NAALADL2: variants seen among roughly 807,000 people sequenced by gnomAD.
The protein encoded by NAALADL2 is inactive N-acetylated-alpha-linked acidic dipeptidase-like protein 2.
Under a neutral mutation model 87.2 loss-of-function variants are expected in NAALADL2, and 76 were observed. The observed-to-expected ratio is 0.87, with a 90% CI of 0.72 to 1.05. The LOEUF is 1.05. Ranked by LOEUF, NAALADL2 falls within the 50% of genes least tolerant of loss-of-function variation. The pLI is 0.00. For synonymous variants in NAALADL2, 354 were observed against 331.0 expected (o/e 1.07, Z -0.75); for missense variants, 1,089 against 945.8 (o/e 1.15, Z -1.99).
chr3:175,758,834 T>G (rs1368520362), intron 13 of NAALADL2, among the ~76,000 whole-genome samples: 1 of 152,082 alleles, frequency 6.6e-6, no homozygotes, highest in Non-Finnish European at 1.5e-5. Flanking sequence ...GTTATTCACA[T>G]AAGAATCTCA....
chr3:175,378,792 T>TC (rs1767453939), intron 5 of NAALADL2, among the ~76,000 whole-genome samples: 1 of 152,194 alleles, frequency 6.6e-6, no homozygotes, highest in South Asian at 2.1e-4. Context: ...AACAATAGTG[T>TC]CCCGGTTTCT....
intron 2 of NAALADL2, among the ~76,000 whole-genome samples, chr3:174,636,079 C>G (rs17331465): frequency 0.17 from 26,056 of 151,866 alleles, 2,339 homozygotes; most frequent in South Asian, 0.3. Flanking sequence ...GAAGGCTGAA[C>G]AAAATACTCA....
intron 2 of NAALADL2, among the ~76,000 whole-genome samples, chr3:174,632,763 C>T (rs1722239594): frequency 6.6e-6 from 1 of 151,728 alleles, no homozygotes; most frequent in Non-Finnish European, 1.5e-5. Flanking sequence ...GGTAAAACCC[C>T]ATCTCTACTA....
intron 1 of NAALADL2, among the ~76,000 whole-genome samples, chr3:175,069,706 T>C (rs1460949555): frequency 1.3e-5 from 2 of 152,032 alleles, no homozygotes; most frequent in Non-Finnish European, 2.9e-5. Flanking sequence ...TAAAGACACA[T>C]GCACACATAT....
At chr3:174,703,246 C>T (rs896960281) in intron 2 of NAALADL2, among the ~76,000 whole-genome samples, 1 of 151,158 alleles carries the variant, frequency 6.6e-6, no homozygotes, top group Non-Finnish European at 1.5e-5. Context: ...CTCAAGTGAT[C>T]CTTCCACCTC....
chr3:174,501,321 G>A (rs1217530672), intron 1 of NAALADL2, among the ~76,000 whole-genome samples: 2 of 142,702 alleles, frequency 1.4e-5, no homozygotes, highest in Non-Finnish European at 2.9e-5. Flanking sequence ...CTCGTGATCC[G>A]CCCGCCTCGG....
intron 9 of NAALADL2, among the ~76,000 whole-genome samples, chr3:175,487,101 G>A (rs778710489): frequency 1.1e-4 from 17 of 151,990 alleles, no homozygotes; most frequent in South Asian, 6.2e-4. Context: ...TATAATGGCC[G>A]GAGAGGCCCT....
chr3:175,711,745 A>C (rs1740555363), intron 11 of NAALADL2, among the ~76,000 whole-genome samples: 1 of 151,878 alleles, frequency 6.6e-6, no homozygotes, highest in South Asian at 2.1e-4. Context: ...TCCAAGCTAA[A>C]CCAGAGTAAC....
intron 9 of NAALADL2, among the ~76,000 whole-genome samples, chr3:175,516,992 A>G (rs1731934458): frequency 6.6e-6 from 1 of 152,044 alleles, no homozygotes; most frequent in Admixed American, 6.6e-5. Context: ...ATCTGTATCT[A>G]TTTGTCTTTC....
At chr3:175,387,064 G>A (rs1184892931) in intron 5 of NAALADL2, among the ~76,000 whole-genome samples, 2 of 152,020 alleles carry the variant, frequency 1.3e-5, no homozygotes, top group African/African-American at 4.8e-5. Flanking sequence ...ACTGTGAAGT[G>A]GGAAAATTTT....
chr3:174,689,841 C>A (rs1489563593), intron 2 of NAALADL2, among the ~76,000 whole-genome samples: 1 of 152,072 alleles, frequency 6.6e-6, no homozygotes, highest in African/African-American at 2.4e-5. Flanking sequence ...AAAGAATGTT[C>A]TAAAGTCAGA....
chr3:175,390,614 G>GT (rs1182446028), intron 5 of NAALADL2, among the ~76,000 whole-genome samples: 7 of 152,106 alleles, frequency 4.6e-5, no homozygotes, highest in East Asian at 1.9e-4. Flanking sequence ...GTAAATAAGG[G>GT]TTTTTTGTTG....
intron 9 of NAALADL2, among the ~76,000 whole-genome samples, chr3:175,545,436 T>G (rs1377830716): frequency 6.6e-6 from 1 of 152,170 alleles, no homozygotes; most frequent in East Asian, 1.9e-4. Context: ...AATGAATGAT[T>G]TCCACAGTTT....
intron 1 of NAALADL2, among the ~76,000 whole-genome samples, chr3:174,910,931 G>A (rs945117838): frequency 1.3e-5 from 2 of 152,084 alleles, no homozygotes; most frequent in East Asian, 1.9e-4. Flanking sequence ...AAACTGACAA[G>A]CAGGGCGAAA....
At chr3:175,802,882 TATA>T (rs1754356556) in intron 13 of NAALADL2, 120 bp from the exon 14 acceptor site, 2 of 513,198 alleles carry the variant, frequency 3.9e-6, no homozygotes. Context: ...ATCGTGATAT[TATA>T]TTTTTATAAT....
chr3:175,739,126 T>C (rs544718326), intron 12 of NAALADL2, among the ~76,000 whole-genome samples: 1 of 152,142 alleles, frequency 6.6e-6, no homozygotes, highest in African/African-American at 2.4e-5. Flanking sequence ...CCAAAGAGTA[T>C]ACTGCAAAAT....
chr3:174,858,002 A>AT (rs1323566436), upstream of NAALADL2, among the ~76,000 whole-genome samples: 1 of 151,418 alleles, frequency 6.6e-6, no homozygotes, highest in Non-Finnish European at 1.5e-5. Context: ...TAATATATAG[A>AT]TTTTTTCAAA....
chr3:175,536,836 G>T (rs1376836570), intron 9 of NAALADL2, among the ~76,000 whole-genome samples: 1 of 152,084 alleles, frequency 6.6e-6, no homozygotes, highest in African/African-American at 2.4e-5. Context: ...AAAAAAATTA[G>T]CCGGGCGTGG....
intron 2 of NAALADL2, among the ~76,000 whole-genome samples, chr3:175,227,811 T>C (rs1744378577): frequency 1.3e-5 from 2 of 152,128 alleles, no homozygotes; most frequent in African/African-American, 4.8e-5. Flanking sequence ...AAAAATTACA[T>C]AATTGTAGAA....
Sources: allele counts gnomAD v4.1 joint callset (sites outside exome capture counted in the v4.1 genomes callset), GRCh38; gene constraint gnomAD v4.1.1; transcripts MANE v1.5; gene names NCBI Gene and HGNC (gene_info 2026-07-23, HGNC 2026-07-21).